C9: variants seen among roughly 807,000 people sequenced by gnomAD.
The protein encoded by C9 is complement C9.
C9 carries 63 observed loss-of-function variants against 65.4 expected under a neutral mutation model. That is an observed-to-expected ratio of 0.96 (90% confidence interval 0.79 to 1.19). C9 has a LOEUF of 1.19. C9 is among the 50% of genes most tolerant of loss of function. The probability of loss-of-function intolerance (pLI) is 0.00; values close to 1 mark genes in which losing one functional copy is unlikely to be tolerated. For synonymous variants in C9, 229 were observed against 227.9 expected (o/e 1.00, Z -0.04); for missense variants, 744 against 670.1 (o/e 1.11, Z -1.22).
At chr5:39,296,691 A>ATAATGTATTTT (rs1753191011) in intron 9 of C9, among the ~76,000 whole-genome samples, 1 of 151,666 alleles carries the variant, frequency 6.6e-6, no homozygotes, top group African/African-American at 2.4e-5. Flanking sequence ...GGATAAATAA[A>ATAATGTATTTT]TAATGTATTT....
intron 9 of C9, among the ~76,000 whole-genome samples, chr5:39,299,022 A>T (rs1453085734): frequency 6.6e-6 from 1 of 151,972 alleles, no homozygotes; most frequent in Non-Finnish European, 1.5e-5. Context: ...GCAAACTAGG[A>T]ATTAAAGGGA....
At position 39,284,981 on chromosome 5, in the gene C9, C is replaced by T. The variant is rs1472553041; in HGVS notation, c.*218G>A. The T allele has an allele frequency of 5.8e-6, 3 of 514,752 alleles. No homozygotes were observed. The highest frequency in any genetic ancestry group is 3.9e-5 in the African/African-American group (2 of 51,882). 31.9% of individuals were successfully genotyped at this position (514,752 alleles called of 1,614,324 possible). A position where few individuals can be genotyped will look rare whatever the true frequency, so the allele number is the denominator to read the frequency against. On this transcript the variant is annotated 3_prime_UTR_variant, in exon 11 of 11. Transcript: ENST00000263408. ...CAGTTCTGGCGTATTTCACTGTTGA[C>T]TTCTCATTAGGGAACAAAAAATGGA...
At chr5:39,335,252 C>T (rs1019902125) in intron 4 of C9, among the ~76,000 whole-genome samples, 3 of 152,156 alleles carry the variant, frequency 2.0e-5, no homozygotes, top group African/African-American at 4.8e-5. Flanking sequence ...TAGGTGACTA[C>T]TATATCTATG....
intron 10 of C9, among the ~76,000 whole-genome samples, chr5:39,286,692 A>G (rs1302457898): frequency 5.4e-5 from 8 of 148,634 alleles, no homozygotes; most frequent in Admixed American, 6.7e-5. Context: ...TCCAAGTACC[A>G]AGTAGTATAC....
At chr5:39,353,525 T>C (rs1754358957) in intron 1 of C9, among the ~76,000 whole-genome samples, 1 of 152,220 alleles carries the variant, frequency 6.6e-6, no homozygotes, top group South Asian at 2.1e-4. Flanking sequence ...ATTGATCTCA[T>C]CTTGGACACA....
At chr5:39,331,904 A>G in intron 4 of C9, 90 bp from the exon 5 acceptor site, 2 of 1,067,846 alleles carry the variant, frequency 1.9e-6, no homozygotes, top group Non-Finnish European at 1.5e-6. Flanking sequence ...AGACAGCTTC[A>G]GTTCATGTCA....
At chr5:39,309,002 G>A (rs1245916042) in intron 7 of C9, among the ~76,000 whole-genome samples, 1 of 152,086 alleles carries the variant, frequency 6.6e-6, no homozygotes, top group African/African-American at 2.4e-5. Context: ...TGGACAGATG[G>A]CTGATGTATG....
At chr5:39,295,485 T>A (rs1010355675) in intron 9 of C9, among the ~76,000 whole-genome samples, 1 of 151,544 alleles carries the variant, frequency 6.6e-6, no homozygotes, top group African/African-American at 2.4e-5. Flanking sequence ...TACTGAGGAA[T>A]AAATTTAACC....
At chr5:39,294,208 C>A (rs757199087) in intron 9 of C9, among the ~76,000 whole-genome samples, 1 of 151,252 alleles carries the variant, frequency 6.6e-6, no homozygotes, top group Admixed American at 6.6e-5. Context: ...TAATAATGAT[C>A]GGAGCAGAAA....
At chr5:39,324,269 C>G (rs1753711224) in intron 5 of C9, among the ~76,000 whole-genome samples, 1 of 152,020 alleles carries the variant, frequency 6.6e-6, no homozygotes, top group Non-Finnish European at 1.5e-5. Flanking sequence ...AATGCAATCC[C>G]TATCATAATT....
chr5:39,343,382 C>T (rs1754127653), intron 1 of C9, among the ~76,000 whole-genome samples: 1 of 152,218 alleles, frequency 6.6e-6, no homozygotes, highest in African/African-American at 2.4e-5. Context: ...GAGATTATAT[C>T]CTGCACCTGG....
intron 8 of C9, among the ~76,000 whole-genome samples, chr5:39,307,118 T>C (rs1054697407): frequency 2.6e-5 from 4 of 152,154 alleles, no homozygotes; most frequent in African/African-American, 7.2e-5. Flanking sequence ...GGGTGTAATA[T>C]ATATTTTCTT....
At chr5:39,297,485 C>G (rs949639182) in intron 9 of C9, among the ~76,000 whole-genome samples, 1 of 151,512 alleles carries the variant, frequency 6.6e-6, no homozygotes, top group Admixed American at 6.6e-5. Context: ...TATATACTGT[C>G]TACAAGAAAC....
chr5:39,348,155 C>A (rs1754245627), intron 1 of C9, among the ~76,000 whole-genome samples: 1 of 151,956 alleles, frequency 6.6e-6, no homozygotes, highest in Admixed American at 6.6e-5. Context: ...GCAACAAAAG[C>A]CAAAATTGAC....
intron 1 of C9, among the ~76,000 whole-genome samples, chr5:39,352,276 G>A (rs187100799): frequency 2.0e-5 from 3 of 152,330 alleles, no homozygotes; most frequent in Non-Finnish European, 4.4e-5. Context: ...TTTGACATGA[G>A]ATTTGGGTAG....
chr5:39,290,642 T>A (rs941771796), intron 9 of C9, among the ~76,000 whole-genome samples: 13 of 151,562 alleles, frequency 8.6e-5, no homozygotes, highest in Non-Finnish European at 3.0e-5. Context: ...GGACAACTAA[T>A]AAGAAAATAA....
chr5:39,364,475 C>A lies in C9; in HGVS notation c.-11G>T, dbSNP rs201552982. Reference sequence around the variant, plus strand: ...CCGGCAGGCTGACATGCTGCTCTTGCTGGGTGGCTGCGAGTGGGGTGGCAG... The same window carrying A: ...CCGGCAGGCTGACATGCTGCTCTTGATGGGTGGCTGCGAGTGGGGTGGCAG... On this transcript the variant is annotated 5_prime_UTR_variant, in exon 1 of 11. Coordinates refer to ENST00000263408, the MANE Select transcript of C9 (RefSeq NM_001737.5). 7.8e-4 allele frequency: 1,232 copies of A among 1,585,364 alleles called. 6 individuals are homozygous for A. Among genetic ancestry groups the A allele is most frequent in the Admixed American group, 7.8e-4 (47 of 59,946 alleles).
chr5:39,303,045 G>C (rs1378064398), intron 9 of C9, among the ~76,000 whole-genome samples: 2 of 152,140 alleles, frequency 1.3e-5, no homozygotes, highest in Middle Eastern at 3.2e-3. Context: ...CAATATTGTA[G>C]CTGTACTCAT....
chr5:39,317,387 A>T (rs763323547), intron 5 of C9, among the ~76,000 whole-genome samples: 1 of 152,074 alleles, frequency 6.6e-6, no homozygotes, highest in Non-Finnish European at 1.5e-5. Flanking sequence ...TTTTGTTGCA[A>T]TTGCTTTGGC....
Sources: gnomAD v4.1 joint callset for allele counts (sites outside exome capture counted in the v4.1 genomes callset) on GRCh38, gnomAD v4.1.1 for gene constraint, MANE v1.5 for transcripts, NCBI Gene and HGNC (gene_info 2026-07-23, HGNC 2026-07-21) for gene names.